CERS6: variants seen among roughly 807,000 people sequenced by gnomAD.
CERS6 encodes the protein ceramide synthase 6.
CERS6 carries 26 observed loss-of-function variants against 56.8 expected under a neutral mutation model. That is an observed-to-expected ratio of 0.46 (90% CI 0.34 to 0.63). The LOEUF is 0.63. Ranked by LOEUF, CERS6 falls within the 30% of genes least tolerant of loss-of-function variation. The pLI, the probability that CERS6 is intolerant of heterozygous loss-of-function variation, is 0.01. For synonymous variants in CERS6, 164 were observed against 173.3 expected (o/e 0.95, Z 0.42); for missense variants, 415 against 467.5 (o/e 0.89, Z 1.04).
intron 1 of CERS6, among the ~76,000 whole-genome samples, chr2:168,509,736 A>G (rs973114466): frequency 1.1e-4 from 17 of 152,240 alleles, no homozygotes; most frequent in African/African-American, 3.9e-4. Flanking sequence ...GAAAGACTGC[A>G]TTAAGGCCAG....
In CERS6 at chr2:168,670,972, C is replaced by A. The variant is rs560148655; in HGVS notation, c.466-20062C>A. Among the ~76,000 whole-genome samples the A allele has an allele frequency of 9.8e-4, 60 of 61,490 alleles. 3 individuals are homozygous for A. Among genetic ancestry groups the A allele is most frequent in the South Asian group, 4.3e-3 (5 of 1,166 alleles). The allele number at this position is 61,490 out of a possible 152,430, so 40.3% of individuals were successfully genotyped here. Reference sequence around the variant, plus strand: ...CAGGTGCTGGATACATGCTTCCCCCCCCCCCCCCAGACGGAAGCTTGCTCT... The same window carrying A: ...CAGGTGCTGGATACATGCTTCCCCCACCCCCCCCAGACGGAAGCTTGCTCT... On this transcript the variant is annotated intron_variant, in intron 4 of 9. Coordinates refer to ENST00000305747, the MANE Select transcript of CERS6 (RefSeq NM_203463.3).
In CERS6 at chr2:168,772,016, A is replaced by G. The variant is rs1684873294; in HGVS notation, c.*2354A>G. ...GCACAGTTCTTTGGGGCTAATTAAA[A>G]TGGGGTTTGCAGGCTTTTTATGGTG... On this transcript the variant is annotated 3_prime_UTR_variant, in exon 10 of 10. Transcript: ENST00000305747. The G allele has an allele frequency of 1.3e-5, 2 of 152,186 alleles. No individual in the cohort carries two copies. Among genetic ancestry groups the G allele is most frequent in the Admixed American group, 6.5e-5 (1 of 15,278 alleles). 9.4% of individuals were successfully genotyped at this position (152,186 alleles called of 1,614,324 possible).
intron 3 of CERS6, among the ~76,000 whole-genome samples, chr2:168,628,141 C>T (rs1222161936): frequency 1.3e-5 from 2 of 152,188 alleles, no homozygotes; most frequent in Non-Finnish European, 2.9e-5. Context: ...TCTAGGAAGT[C>T]ATTTTTAGGA....
At chr2:168,579,808 C>T (rs895524448) in intron 3 of CERS6, among the ~76,000 whole-genome samples, 1 of 152,140 alleles carries the variant, frequency 6.6e-6, no homozygotes, top group African/African-American at 2.4e-5. Context: ...CAGCTCCTCT[C>T]GCTGCGTGTC....
chr2:168,477,185 G>C (rs1020782814), intron 1 of CERS6, among the ~76,000 whole-genome samples: 1 of 125,852 alleles, frequency 7.9e-6, no homozygotes, highest in South Asian at 2.4e-4. Flanking sequence ...GAGAGAGAGA[G>C]AGAGAGAGAG....
chr2:168,532,198 T>C (rs1306928728), intron 1 of CERS6, among the ~76,000 whole-genome samples: 2 of 152,112 alleles, frequency 1.3e-5, no homozygotes, highest in African/African-American at 2.4e-5. Flanking sequence ...CATGCCATCC[T>C]CCCCTATCTC....
At chr2:168,502,466 A>G (rs1286505178) in intron 1 of CERS6, among the ~76,000 whole-genome samples, 1 of 152,028 alleles carries the variant, frequency 6.6e-6, no homozygotes, top group Non-Finnish European at 1.5e-5. Context: ...CGCTAAAGTG[A>G]TAGCTTTGGC....
intron 4 of CERS6, among the ~76,000 whole-genome samples, chr2:168,656,017 A>T (rs1483416319): frequency 1.3e-5 from 2 of 152,186 alleles, no homozygotes; most frequent in Non-Finnish European, 2.9e-5. Flanking sequence ...ATAAATACGG[A>T]TAGTATGCAT....
intron 6 of CERS6, among the ~76,000 whole-genome samples, chr2:168,697,417 T>C (rs989236627): frequency 6.6e-6 from 1 of 152,198 alleles, no homozygotes; most frequent in Admixed American, 6.5e-5. Context: ...GTAGTGTCAA[T>C]ACATGTAGAC....
chr2:168,566,958 C>T (rs1695894616), intron 3 of CERS6, among the ~76,000 whole-genome samples: 1 of 152,124 alleles, frequency 6.6e-6, no homozygotes, highest in Admixed American at 6.5e-5. Flanking sequence ...CAAAATTCTC[C>T]TCATAATGAA....
intron 1 of CERS6, among the ~76,000 whole-genome samples, chr2:168,496,847 C>G (rs7605379): frequency 0.055 from 8,395 of 152,202 alleles, 334 homozygotes; most frequent in East Asian, 0.18. Flanking sequence ...ATTTTACTTT[C>G]AGCTTCATGC....
At chr2:168,504,436 C>G (rs150634680) in intron 1 of CERS6, among the ~76,000 whole-genome samples, 18 of 151,802 alleles carry the variant, frequency 1.2e-4, no homozygotes, top group African/African-American at 4.4e-4. Flanking sequence ...AAGATCATGC[C>G]CCTTAAATCA....
intron 4 of CERS6, among the ~76,000 whole-genome samples, chr2:168,685,578 T>A (rs111555079): frequency 6.6e-6 from 1 of 152,128 alleles, no homozygotes; most frequent in South Asian, 2.1e-4. Context: ...TAAAAGAAGA[T>A]ACTGGATGAA....
At chr2:168,510,828 A>G (rs1218522137) in intron 1 of CERS6, among the ~76,000 whole-genome samples, 1 of 152,162 alleles carries the variant, frequency 6.6e-6, no homozygotes, top group Non-Finnish European at 1.5e-5. Context: ...GCATTAACTA[A>G]CTTACAATAA....
chr2:168,754,000 T>G (rs372050862), intron 8 of CERS6, among the ~76,000 whole-genome samples: 93 of 152,234 alleles, frequency 6.1e-4, no homozygotes, highest in Non-Finnish European at 1.1e-3. Context: ...TGTGGCTTGA[T>G]GCGGGGGCGG....
At chr2:168,489,073 T>C (rs1006154839) in intron 1 of CERS6, among the ~76,000 whole-genome samples, 3 of 152,208 alleles carry the variant, frequency 2.0e-5, no homozygotes, top group Admixed American at 1.3e-4. Flanking sequence ...CTTAGCTTTT[T>C]GTAGAGCAAG....
chr2:168,521,617 A>G (rs555186152), intron 1 of CERS6, among the ~76,000 whole-genome samples: 27 of 152,324 alleles, frequency 1.8e-4, no homozygotes, highest in Non-Finnish European at 3.1e-4. Flanking sequence ...GCACTTCCAG[A>G]CAGACGTCTT....
At chr2:168,756,823 G>A (rs995089851) in intron 8 of CERS6, among the ~76,000 whole-genome samples, 12 of 152,082 alleles carry the variant, frequency 7.9e-5, no homozygotes, top group Admixed American at 5.9e-4. Flanking sequence ...ATCTGACTTG[G>A]GGAATGTTAT....
intron 3 of CERS6, among the ~76,000 whole-genome samples, chr2:168,613,382 C>T (rs902703402): frequency 5.3e-5 from 8 of 152,074 alleles, no homozygotes; most frequent in Non-Finnish European, 1.0e-4. Flanking sequence ...GATGGAACCC[C>T]AGGTGTCACT....
Sources: allele counts gnomAD v4.1 joint callset (sites outside exome capture counted in the v4.1 genomes callset), GRCh38; gene constraint gnomAD v4.1.1; transcripts MANE v1.5; gene names NCBI Gene and HGNC (gene_info 2026-07-23, HGNC 2026-07-21).